The following GALNT3 variants were observed in gnomAD, a reference collection of about 807,000 sequenced individuals.
GALNT3 encodes the protein GalNAc transferase 3.
Under a neutral mutation model 69.8 loss-of-function variants are expected in GALNT3, and 51 were observed. The observed-to-expected ratio is 0.73, with a 90% CI of 0.58 to 0.92. GALNT3 has a LOEUF of 0.92. Among genes scored for constraint, GALNT3 ranks in the 40% least tolerant of loss-of-function variants. The probability of loss-of-function intolerance (pLI) is 0.00; values close to 1 mark genes in which losing one functional copy is unlikely to be tolerated. For missense variants in GALNT3, 711 were observed against 760.0 expected, an observed-to-expected ratio of 0.94 and a Z score of 0.76; for synonymous variants, 265 against 248.5, an observed-to-expected ratio of 1.07 and a Z score of -0.63.
At chr2:165,754,758 T>G in intron 8 of GALNT3, 30 bp from the exon 9 acceptor site, 1 of 1,520,790 alleles carries the variant, frequency 6.6e-7, no homozygotes, top group Non-Finnish European at 9.1e-7. Context: ...TTATGAAAAG[T>G]TTTTTAATCC....
chr2:165,770,993 A>G lies in GALNT3; in HGVS notation c.-108-185T>C, dbSNP rs186968259. On this transcript the variant is annotated intron_variant, in intron 1 of 10. Transcript: ENST00000392701. ...AAGAAAATAATTGTTACAATTTACT[A>G]CAATTTATTGGGGTTGCAAAAATAT... Among the ~76,000 whole-genome samples, 15 of 152,298 alleles carry G rather than the reference A, an allele frequency of 9.8e-5. No homozygotes were observed. The East Asian group carries it at 2.9e-3, about 29-fold the overall frequency.
At chr2:165,777,830 C>T (rs546070303) in intron 1 of GALNT3, among the ~76,000 whole-genome samples, 2 of 152,110 alleles carry the variant, frequency 1.3e-5, no homozygotes, top group Non-Finnish European at 2.9e-5. Context: ...GGCAATGCCA[C>T]CAGTGGATGA....
Position 165,757,183 on chromosome 2 carries a change from C to T in GALNT3, c.1256G>A (p.Ser419Asn), listed in dbSNP as rs2105405178. Residue 419 changes from serine to asparagine, a missense_variant, in exon 7 of 11, where the codon AGC becomes AAC. Physicochemically the swap from Ser to Asn is conservative, Grantham distance 46. Transcript: ENST00000392701. ...TTTTGGAAAGCTATGAGGGCTTTTG[C>T]TGCGAAAAACATGTCCAACAACAGA... ...PCSVVGHVFRSKSPHSFPKGT... is the reference protein window; with the variant it reads ...PCSVVGHVFRNKSPHSFPKGT... 1.2e-6 allele frequency: 2 copies of T among 1,614,066 alleles called. No homozygotes were observed. Among genetic ancestry groups the T allele is most frequent in the Non-Finnish European group, 1.7e-6 (2 of 1,179,948 alleles).
At chr2:165,765,084 C>A in intron 2 of GALNT3, 28 bp from the exon 3 acceptor site, 1 of 1,588,336 alleles carries the variant, frequency 6.3e-7, no homozygotes, top group Non-Finnish European at 8.6e-7. Flanking sequence ...AGTAGAAAAA[C>A]AATTACAAAT....
At chr2:165,775,695 T>C (rs1381241413) in intron 1 of GALNT3, among the ~76,000 whole-genome samples, 2 of 152,236 alleles carry the variant, frequency 1.3e-5, no homozygotes, top group Non-Finnish European at 2.9e-5. Context: ...GCCTTAGGCT[T>C]CACCTCTGAT....
chr2:165,760,429 C>T (rs1198118770), intron 4 of GALNT3, among the ~76,000 whole-genome samples: 4 of 152,194 alleles, frequency 2.6e-5, no homozygotes, highest in Non-Finnish European at 4.4e-5. Flanking sequence ...TCAGCCAATG[C>T]ATGTGCTGTC....
chr2:165,786,196 A>C (rs1007775946), intron 1 of GALNT3, among the ~76,000 whole-genome samples: 6 of 152,234 alleles, frequency 3.9e-5, no homozygotes, highest in Admixed American at 6.5e-5. Context: ...TGATACATTA[A>C]GAAACAGCAG....
At chr2:165,791,513 C>T (rs1326630834) in intron 1 of GALNT3, among the ~76,000 whole-genome samples, 1 of 152,014 alleles carries the variant, frequency 6.6e-6, no homozygotes, top group Non-Finnish European at 1.5e-5. Context: ...TTTATATACA[C>T]TCACATTGGA....
At chr2:165,783,890 T>C (rs1293065668) in intron 1 of GALNT3, among the ~76,000 whole-genome samples, 1 of 152,182 alleles carries the variant, frequency 6.6e-6, no homozygotes, top group Admixed American at 6.6e-5. Flanking sequence ...TTTTTTATTA[T>C]ACATAAAATC....
In GALNT3 at chr2:165,754,970, C is replaced by A. The variant is rs773423949; in HGVS notation, c.1486G>T (p.Val496Leu). 3.1e-6 allele frequency: 5 copies of A among 1,613,086 alleles called. No individual in the cohort carries two copies. The highest frequency in any genetic ancestry group is 3.3e-5 in the Admixed American group (2 of 59,964). Residue 496 changes from valine (V) to leucine (L), a missense_variant, in exon 8 of 11, where the codon GTG becomes TTG. Transcript: ENST00000392701. ...TWYLNNIYPEVYVPDLNPVIS... is the reference protein window; with the variant it reads ...TWYLNNIYPELYVPDLNPVIS... Reference sequence around the variant, plus strand: ...ACAGGATTAAGGTCTGGCACATACACCTCTGGATAAATGTTGTTCAGATAC... The same window carrying A: ...ACAGGATTAAGGTCTGGCACATACAACTCTGGATAAATGTTGTTCAGATAC...
intron 1 of GALNT3, among the ~76,000 whole-genome samples, chr2:165,774,909 C>CTTTTTTTTTTTTTTTTTTTTTTTTTTT (rs71031204): frequency 9.6e-6 from 1 of 104,328 alleles, no homozygotes. Context: ...CTTCTTCTCT[C>CTTTTTTTTTTTTTTTTTTTTTTTTTTT]TTTTTTTTTT....
At chr2:165,792,788 A>T (rs1334963092) in intron 1 of GALNT3, among the ~76,000 whole-genome samples, 1 of 151,438 alleles carries the variant, frequency 6.6e-6, no homozygotes, top group Non-Finnish European at 1.5e-5. Flanking sequence ...AAGTTAAATT[A>T]AAAAAAAGAA....
In GALNT3 at chr2:165,748,343, A is replaced by C. The variant is rs1327314832; in HGVS notation, c.*438T>G. On this transcript the variant is annotated 3_prime_UTR_variant, in exon 11 of 11. Transcript: ENST00000392701. ...AGCTCTTGGTTTGTACACAGAGGCC[A>C]ATGCTGACATTTATTGATCTATTTT... The C allele has an allele frequency of 8.4e-6, 2 of 238,782 alleles. No individual in the cohort carries two copies. Among genetic ancestry groups the C allele is most frequent in the Non-Finnish European group, 1.6e-5 (2 of 121,584 alleles). The allele number at this position is 238,782 out of a possible 1,614,324, so 14.8% of individuals were successfully genotyped here.
chr2:165,777,256 T>TA (rs1041099362), intron 1 of GALNT3, among the ~76,000 whole-genome samples: 2 of 152,114 alleles, frequency 1.3e-5, no homozygotes, highest in African/African-American at 4.8e-5. Flanking sequence ...AGGCATGCTG[T>TA]AAAGAGTTAG....
At chr2:165,772,131 C>T (rs1039847635) in intron 1 of GALNT3, among the ~76,000 whole-genome samples, 4 of 152,084 alleles carry the variant, frequency 2.6e-5, no homozygotes, top group Non-Finnish European at 4.4e-5. Flanking sequence ...GTTATAGAAC[C>T]ACACTATGAC....
At chr2:165,752,498 A>T (rs1174029763) in intron 9 of GALNT3, among the ~76,000 whole-genome samples, 3 of 152,182 alleles carry the variant, frequency 2.0e-5, no homozygotes, top group Admixed American at 2.0e-4. Flanking sequence ...CTAAACAAAC[A>T]CTTATTGAAA....
chr2:165,756,931 G>T, intron 7 of GALNT3, 116 bp downstream of exon 7: 1 of 791,444 alleles, frequency 1.3e-6, no homozygotes, highest in Non-Finnish European at 2.1e-6. Flanking sequence ...TACTTTAAGA[G>T]TTAAAAACCT....
chr2:165,758,268 T>C (rs551547649), intron 6 of GALNT3, among the ~76,000 whole-genome samples: 1 of 152,310 alleles, frequency 6.6e-6, no homozygotes, highest in African/African-American at 2.4e-5. Flanking sequence ...ATGAAACTCA[T>C]GAAATCAAAT....
At chr2:165,778,770 G>A (rs1348898109) in intron 1 of GALNT3, among the ~76,000 whole-genome samples, 1 of 152,200 alleles carries the variant, frequency 6.6e-6, no homozygotes, top group Admixed American at 6.5e-5. Context: ...TAGGTGCTGA[G>A]GAAAACTGCT....
Sources: allele counts gnomAD v4.1 joint callset (sites outside exome capture counted in the v4.1 genomes callset), GRCh38; gene constraint gnomAD v4.1.1; transcripts MANE v1.5; gene names NCBI Gene and HGNC (gene_info 2026-07-23, HGNC 2026-07-21).